The following RAB40C variants were observed in gnomAD, a reference collection of about 807,000 sequenced individuals.
RAB40C encodes RAB40C, member RAS oncogene family.
In RAB40C, 8 loss-of-function variants were observed where a neutral mutation model predicts 28.1. The ratio of observed to expected loss-of-function variants is 0.28; its 90% CI spans 0.17 to 0.51. RAB40C has a LOEUF of 0.51. Ranked by LOEUF, RAB40C falls within the 20% of genes least tolerant of loss-of-function variation. The pLI is 0.97. For missense variants in RAB40C, 288 were observed against 405.9 expected (o/e 0.71, Z 2.50); for synonymous variants, 201 against 171.7 (o/e 1.17, Z -1.34).
intron 5 of RAB40C, 25 bp downstream of exon 5, chr16:626,146 C>A (rs756871791): frequency 6.3e-6 from 10 of 1,590,114 alleles, no homozygotes; most frequent in Non-Finnish European, 8.6e-6. Context: ...GCCGGCCAGC[C>A]CTGAGGTCCC....
chr16:611,997 A>G lies in RAB40C; in HGVS notation c.143-5211A>G, dbSNP rs569809102. Among the ~76,000 whole-genome samples the G allele has an allele frequency of 8.0e-5, 4 of 49,722 alleles. 1 individual carries two copies. Among genetic ancestry groups the G allele is most frequent in the Admixed American group, 6.1e-4 (3 of 4,908 alleles). The allele number at this position is 49,722 out of a possible 152,430, so 32.6% of individuals were successfully genotyped here. On this transcript the variant is annotated intron_variant, in intron 1 of 5. Coordinates refer to ENST00000248139, the MANE Select transcript of RAB40C (RefSeq NM_021168.5). ...AAGGGACAGCCGCCCTGGCCTGTAG[A>G]ATCAAGAGCAAGGGACAGCCGCCTT...
intron 1 of RAB40C, among the ~76,000 whole-genome samples, chr16:614,869 G>C (rs1328586555): frequency 6.6e-6 from 1 of 152,110 alleles, no homozygotes; most frequent in Non-Finnish European, 1.5e-5. Context: ...TCCCGATGGT[G>C]AACTGCCAAA....
chr16:605,763 C>T (rs560703056), intron 1 of RAB40C, among the ~76,000 whole-genome samples: 29 of 152,284 alleles, frequency 1.9e-4, no homozygotes, highest in Admixed American at 1.1e-3. Context: ...GAGTCTCAGA[C>T]GCGTTTGGTC....
rs919603422 is a variant in RAB40C at position 625,377 on chromosome 16, C to T, written c.265-55C>T. On this transcript the variant is annotated intron_variant, in intron 3 of 5. Transcript: ENST00000248139. ...CCCCTGCACCTGAGCGTCCCTGGGC[C>T]TGGGCTGGCCATGCGTGTCAGTGAC... 2.3e-5 allele frequency: 36 copies of T among 1,592,252 alleles called. 1 individual carries two copies. In the South Asian group the frequency reaches 4.0e-4, roughly 18 times the overall value.
At chr16:624,741 G>A (rs1432371453) in intron 3 of RAB40C, 73 of 985,340 alleles carry the variant, frequency 7.4e-5, no homozygotes, top group Non-Finnish European at 8.6e-5. Flanking sequence ...GGAGAGGCGG[G>A]CATAGGGGAA....
At position 627,585 on chromosome 16, in the gene RAB40C, C is replaced by A. The variant is rs142169601; in HGVS notation, c.809C>A (p.Pro270His). Residue 270 changes from proline (P) to histidine (H), a missense_variant, in exon 6 of 6, where the codon CCC (proline) becomes CAC (histidine). By Grantham distance (77) the Pro-to-His change is moderately conservative. Coordinates refer to ENST00000248139, the MANE Select transcript of RAB40C (RefSeq NM_021168.5). The stretch of plus-strand genomic sequence containing the variant: ...TCCATCCGTCCACCCCAGAGCCCCC[C>A]CCAGAACTGCTCGCGGAGTAACTGC... ...SKSIRPPQSP[P>H]QNCSRSNCKI... 2 of 1,604,688 alleles carry A rather than the reference C, an allele frequency of 1.2e-6. No individual in the cohort carries two copies. The highest frequency in any genetic ancestry group is 8.5e-7 in the Non-Finnish European group (1 of 1,174,108).
chr16:602,361 C>T (rs2036271031), intron 1 of RAB40C, among the ~76,000 whole-genome samples: 1 of 150,974 alleles, frequency 6.6e-6, no homozygotes, highest in Non-Finnish European at 1.5e-5. Context: ...TTCTAGTGAT[C>T]CTCCCGCCTC....
rs549057621 is a variant in RAB40C at position 590,262 on chromosome 16, C to T, written c.-30C>T. The T allele has an allele frequency of 3.3e-5, 47 of 1,436,720 alleles. 1 individual carries two copies. Among genetic ancestry groups the T allele is most frequent in the African/African-American group, 1.0e-4 (7 of 67,124 alleles). The allele number at this position is 1,436,720 out of a possible 1,614,324, so 89.0% of individuals were successfully genotyped here. On this transcript the variant is annotated 5_prime_UTR_variant, in exon 1 of 6. Coordinates refer to ENST00000248139, the MANE Select transcript of RAB40C (RefSeq NM_021168.5). The stretch of plus-strand genomic sequence containing the variant: ...CCTCACCCGGCGGTGCTTCGGCAGG[C>T]GGCCGGCGCGGGGCGCAGGCGGCGC...
At chr16:626,222 G>A in intron 5 of RAB40C, 101 bp downstream of exon 5, 1 of 1,276,440 alleles carries the variant, frequency 7.8e-7, no homozygotes, top group Non-Finnish European at 1.1e-6. Context: ...GGAGGTTCAG[G>A]CAGGTCCCTT....
chr16:611,543 G>A (rs984758967), intron 1 of RAB40C, among the ~76,000 whole-genome samples: 15 of 152,222 alleles, frequency 9.9e-5, no homozygotes, highest in African/African-American at 1.7e-4. Flanking sequence ...GGGTGTTGAC[G>A]GCCTGAGCGC....
chr16:624,218 C>T (rs2036779960), intron 3 of RAB40C: 2 of 985,320 alleles, frequency 2.0e-6, no homozygotes, highest in African/African-American at 1.7e-5. Flanking sequence ...GAGGTTGCCA[C>T]TAGGGAGAGT....
chr16:606,712 G>C (rs1212190913), intron 1 of RAB40C, among the ~76,000 whole-genome samples: 2 of 152,254 alleles, frequency 1.3e-5, no homozygotes, highest in African/African-American at 2.4e-5. Context: ...CGCCTGCGTT[G>C]TTCACGGAGG....
chr16:596,622 C>G (rs2085309458), intron 1 of RAB40C, among the ~76,000 whole-genome samples: 2 of 152,254 alleles, frequency 1.3e-5, no homozygotes, highest in African/African-American at 4.8e-5. Context: ...TCAGGCTGAG[C>G]TGACTTCCTG....
At chr16:593,561 G>A (rs938105979) in intron 1 of RAB40C, among the ~76,000 whole-genome samples, 2 of 152,350 alleles carry the variant, frequency 1.3e-5, no homozygotes, top group East Asian at 3.9e-4. Context: ...ACACCGGATC[G>A]CTTACCTGCC....
intron 1 of RAB40C, among the ~76,000 whole-genome samples, chr16:595,250 C>T (rs1292336931): frequency 6.6e-6 from 1 of 152,082 alleles, no homozygotes; most frequent in Non-Finnish European, 1.5e-5. Context: ...TCCGCTGCCC[C>T]CGTGTAGCCC....
At chr16:619,221 G>A (rs1190714290) in intron 3 of RAB40C, among the ~76,000 whole-genome samples, 1 of 146,384 alleles carries the variant, frequency 6.8e-6, no homozygotes. Context: ...GTGCAGGCAT[G>A]TGCACAGGTC....
chr16:589,371 C>CCGCCGCTCCCTCCGAGGGTTCTG (rs1448151605), upstream of RAB40C: 1 of 152,286 alleles, frequency 6.6e-6, no homozygotes, highest in Non-Finnish European at 1.5e-5. Flanking sequence ...CGGGGCCACC[C>CCGCCGCTCCCTCCGAGGGTTCTG]CGCCGCTCCC....
chr16:617,467 G>A (rs143953020), intron 2 of RAB40C, among the ~76,000 whole-genome samples, 199 bp downstream of exon 2: 4,211 of 152,290 alleles, frequency 0.028, 74 homozygotes, highest in Middle Eastern at 0.044. Context: ...CCTAGAGATC[G>A]CGGCTCCCCT....
At chr16:590,543 G>T (rs1210258279) in intron 1 of RAB40C, 110 bp downstream of exon 1, 1 of 1,318,406 alleles carries the variant, frequency 7.6e-7, no homozygotes, top group Non-Finnish European at 9.8e-7. Context: ...ACGTTCCCAG[G>T]AACGCCTTTG....
Sources: gnomAD v4.1 joint callset for allele counts (sites outside exome capture counted in the v4.1 genomes callset) on GRCh38, gnomAD v4.1.1 for gene constraint, MANE v1.5 for transcripts, NCBI Gene and HGNC (gene_info 2026-07-23, HGNC 2026-07-21) for gene names.